The following RBFOX1 variants were observed in gnomAD, a reference collection of about 807,000 sequenced individuals.
RBFOX1 encodes the protein RNA binding protein fox-1 homolog 1.
Under a neutral mutation model 57.7 loss-of-function variants are expected in RBFOX1, and 8 were observed. That is an observed-to-expected ratio of 0.14 (90% CI 0.08 to 0.25). The LOEUF is 0.25. RBFOX1 is among the 10% of genes least tolerant of loss of function. The pLI, the probability that RBFOX1 is intolerant of heterozygous loss-of-function variation, is 1.00. For synonymous variants in RBFOX1, 326 were observed against 222.4 expected, an observed-to-expected ratio of 1.47 and a Z score of -4.15; for missense variants, 611 against 548.5, an observed-to-expected ratio of 1.11 and a Z score of -1.14.
intron 10 of RBFOX1, among the ~76,000 whole-genome samples, chr16:7,611,240 C>A (rs2057407122): frequency 6.6e-6 from 1 of 152,180 alleles, no homozygotes; most frequent in African/African-American, 2.4e-5. Context: ...AGGTAATTTT[C>A]TTAGTTTAGT....
intron 3 of RBFOX1, among the ~76,000 whole-genome samples, chr16:5,710,200 G>C (rs1352213933): frequency 6.6e-6 from 1 of 152,008 alleles, no homozygotes; most frequent in Non-Finnish European, 1.5e-5. Flanking sequence ...AGTGGATAGG[G>C]TCCTATTTTG....
At chr16:5,310,436 T>C (rs1321171825) in intron 1 of RBFOX1, among the ~76,000 whole-genome samples, 3 of 151,770 alleles carry the variant, frequency 2.0e-5, no homozygotes, top group Admixed American at 6.6e-5. Context: ...ATTAGGCAGG[T>C]ATGTTAGAAT....
At chr16:6,072,252 C>T (rs1480954044) in intron 1 of RBFOX1, among the ~76,000 whole-genome samples, 1 of 152,178 alleles carries the variant, frequency 6.6e-6, no homozygotes, top group Non-Finnish European at 1.5e-5. Flanking sequence ...CCAATTACCT[C>T]CCACTGCGTC....
chr16:5,564,704 A>G (rs913964177), intron 2 of RBFOX1, among the ~76,000 whole-genome samples: 9 of 152,176 alleles, frequency 5.9e-5, no homozygotes, highest in African/African-American at 2.2e-4. Context: ...GCATCCAGGC[A>G]TTTATTTATT....
intron 2 of RBFOX1, among the ~76,000 whole-genome samples, chr16:6,376,435 C>T (rs1325196112): frequency 6.6e-6 from 1 of 152,146 alleles, no homozygotes; most frequent in Non-Finnish European, 1.5e-5. Flanking sequence ...GGGACATGAT[C>T]CCTCTGAAGG....
chr16:6,969,675 C>T (rs556238957), intron 3 of RBFOX1, among the ~76,000 whole-genome samples: 3 of 152,022 alleles, frequency 2.0e-5, no homozygotes, highest in Admixed American at 6.5e-5. Context: ...GTCTGGGAGG[C>T]GGAGGTTGCA....
intron 4 of RBFOX1, among the ~76,000 whole-genome samples, chr16:7,112,491 G>C (rs904940352): frequency 3.3e-5 from 5 of 151,886 alleles, no homozygotes; most frequent in African/African-American, 9.7e-5. Context: ...ACAGGCATGA[G>C]CCACCGTGCC....
chr16:7,556,648 T>C (rs1003694482), intron 5 of RBFOX1, among the ~76,000 whole-genome samples: 9 of 152,162 alleles, frequency 5.9e-5, no homozygotes, highest in African/African-American at 2.2e-4. Context: ...CTGGTTCAGT[T>C]CTAAGACCTT....
intron 3 of RBFOX1, among the ~76,000 whole-genome samples, chr16:5,807,026 C>T (rs1199741628): frequency 1.3e-5 from 2 of 152,170 alleles, no homozygotes; most frequent in African/African-American, 2.4e-5. Flanking sequence ...CCGACACCTC[C>T]TCCAGCAGGC....
intron 3 of RBFOX1, among the ~76,000 whole-genome samples, chr16:6,749,204 C>T (rs1410703173): frequency 6.6e-6 from 1 of 152,176 alleles, no homozygotes; most frequent in Non-Finnish European, 1.5e-5. Context: ...CTCTGCTGTG[C>T]ATTCCAGGCA....
chr16:7,014,375 G>A (rs1224048863), intron 3 of RBFOX1, among the ~76,000 whole-genome samples: 1 of 150,846 alleles, frequency 6.6e-6, no homozygotes, highest in Non-Finnish European at 1.5e-5. Context: ...ACCACGCCTG[G>A]CTTTTTTTTA....
At chr16:6,391,484 T>C (rs906632726) in intron 2 of RBFOX1, among the ~76,000 whole-genome samples, 5 of 143,420 alleles carry the variant, frequency 3.5e-5, no homozygotes, top group Admixed American at 7.2e-5. Context: ...CACTCCAGCC[T>C]GGGCAACAGA....
At chr16:5,735,416 G>A (rs1180187881) in intron 3 of RBFOX1, among the ~76,000 whole-genome samples, 1 of 152,158 alleles carries the variant, frequency 6.6e-6, no homozygotes, top group African/African-American at 2.4e-5. Context: ...TGGTTGCCTT[G>A]GCATTAGCGA....
chr16:5,913,240 T>C (rs1054261228), intron 4 of RBFOX1, among the ~76,000 whole-genome samples: 7 of 152,240 alleles, frequency 4.6e-5, no homozygotes, highest in African/African-American at 1.2e-4. Flanking sequence ...CGGTTATTTA[T>C]TGGGACTTAT....
At chr16:7,515,260 G>GT (rs34629697) in intron 4 of RBFOX1, among the ~76,000 whole-genome samples, 85 of 148,170 alleles carry the variant, frequency 5.7e-4, no homozygotes, top group African/African-American at 1.5e-3. Context: ...AACAGCAGAA[G>GT]TTTTTTTTTT....
chr16:6,912,603 T>TGTG (rs1336858737), intron 3 of RBFOX1, among the ~76,000 whole-genome samples: 49 of 151,104 alleles, frequency 3.2e-4, no homozygotes, highest in South Asian at 2.7e-3. Context: ...CTTTCTTTTC[T>TGTG]TGTGTGTGTG....
At chr16:7,012,895 T>G (rs2093719568) in intron 3 of RBFOX1, among the ~76,000 whole-genome samples, 1 of 152,064 alleles carries the variant, frequency 6.6e-6, no homozygotes, top group South Asian at 2.1e-4. Flanking sequence ...AGGCTGGAAG[T>G]TCAAGATCAG....
chr16:7,694,417 A>G (rs1294266813), intron 14 of RBFOX1, among the ~76,000 whole-genome samples: 2 of 152,232 alleles, frequency 1.3e-5, no homozygotes, highest in African/African-American at 4.8e-5. Context: ...AGAGCTAGGA[A>G]CATGCACCCA....
chr16:6,118,485 G>T (rs1487436343), intron 1 of RBFOX1, among the ~76,000 whole-genome samples: 2 of 152,146 alleles, frequency 1.3e-5, no homozygotes, highest in African/African-American at 4.8e-5. Context: ...CACGGTGTAA[G>T]GGTCAAGGTA....
Sources: gnomAD v4.1 joint callset for allele counts (sites outside exome capture counted in the v4.1 genomes callset) on GRCh38, gnomAD v4.1.1 for gene constraint, MANE v1.5 for transcripts, NCBI Gene and HGNC (gene_info 2026-07-23, HGNC 2026-07-21) for gene names.